The following CYB5A variants were observed in gnomAD, a reference collection of about 807,000 sequenced individuals.
CYB5A encodes the protein cytochrome b5 type A.
A neutral mutation model predicts 16.2 loss-of-function variants in CYB5A; 10 were observed. The ratio of observed to expected loss-of-function variants is 0.62; its 90% CI spans 0.38 to 1.04. The LOEUF (loss-of-function observed/expected upper bound fraction) is 1.04. Among genes scored for constraint, CYB5A ranks in the 50% least tolerant of loss-of-function variants. CYB5A has a pLI of 0.01. For synonymous variants in CYB5A, 62 were observed against 57.0 expected, an observed-to-expected ratio of 1.09 and a Z score of -0.40; for missense variants, 161 against 165.9, an observed-to-expected ratio of 0.97 and a Z score of 0.16.
In CYB5A at chr18:74,289,776, CAAA is replaced by C. The variant is rs531814328; in HGVS notation, c.129+1968_129+1970del. Among the ~76,000 whole-genome samples the C allele has an allele frequency of 9.1e-3, 831 of 91,194 alleles. 9 individuals are homozygous for C. Among genetic ancestry groups the C allele is most frequent in the African/African-American group, 0.029 (724 of 25,108 alleles). 59.8% of individuals were successfully genotyped at this position (91,194 alleles called of 152,430 possible). On this transcript the variant is annotated intron_variant, in intron 1 of 4. Transcript: ENST00000340533. Reference sequence around the variant, plus strand: ...GGGCCACAAGAGCAAAACTCTGTCTCAAAAAAAAAAAAAAAAAAAAATAGGGGA... The same window carrying C: ...GGGCCACAAGAGCAAAACTCTGTCTCAAAAAAAAAAAAAAAAAATAGGGGA...
chr18:74,291,777 C>T lies in CYB5A; in HGVS notation c.99G>A (p.Lys33=). ...SKSTWLILHH[K]VYDLTKFLEE... ...CCAGAAATTTGGTCAAATCGTACAC[C>T]TTGTGGTGCAGGATCAGCCAGGTGC... Residue 33 remains lysine, a synonymous_variant, in exon 1 of 5, where the codon AAG becomes AAA. Coordinates refer to ENST00000340533, the MANE Select transcript of CYB5A (RefSeq NM_148923.4). The T allele has an allele frequency of 6.2e-7, 1 of 1,613,938 alleles. No homozygotes were observed. Among genetic ancestry groups the T allele is most frequent in the Non-Finnish European group, 8.5e-7 (1 of 1,179,824 alleles).
intron 1 of CYB5A, among the ~76,000 whole-genome samples, chr18:74,270,821 A>T (rs1380404025): frequency 2.0e-5 from 3 of 151,690 alleles, no homozygotes; most frequent in African/African-American, 7.3e-5. Context: ...GTCCTAGAGG[A>T]CTCCCTGGAG....
intron 2 of CYB5A, 27 bp from the exon 3 acceptor site, chr18:74,260,971 T>G: frequency 6.2e-7 from 1 of 1,602,156 alleles, no homozygotes; most frequent in Non-Finnish European, 8.6e-7. Context: ...AGGCACATTA[T>G]GGAATTTAAA....
At chr18:74,281,211 G>A (rs72963813) in intron 1 of CYB5A, among the ~76,000 whole-genome samples, 17,936 of 152,166 alleles carry the variant, frequency 0.12, 1,370 homozygotes, top group Admixed American at 0.19. Context: ...TGCTGAGATG[G>A]GGACATGCAG....
intron 1 of CYB5A, among the ~76,000 whole-genome samples, chr18:74,273,097 G>A (rs1414968007): frequency 1.3e-5 from 2 of 152,118 alleles, no homozygotes; most frequent in Non-Finnish European, 1.5e-5. Flanking sequence ...CACCAAATAC[G>A]TACACACAAA....
At chr18:74,278,835 G>A (rs17089049) in intron 1 of CYB5A, among the ~76,000 whole-genome samples, 3,380 of 152,246 alleles carry the variant, frequency 0.022, 126 homozygotes, top group African/African-American at 0.076. Context: ...GGTCTAAAAC[G>A]TACTGGTAAC....
chr18:74,263,095 C>T (rs929654996), intron 2 of CYB5A, among the ~76,000 whole-genome samples: 2 of 150,288 alleles, frequency 1.3e-5, no homozygotes, highest in Non-Finnish European at 2.9e-5. Flanking sequence ...CTGCAGGGAG[C>T]CATGATCGTG....
chr18:74,291,391 G>A (rs1983531047), intron 1 of CYB5A, among the ~76,000 whole-genome samples: 1 of 116,200 alleles, frequency 8.6e-6, no homozygotes, highest in African/African-American at 2.6e-5. Context: ...AGCGCTCCCA[G>A]GTGTACACGC....
At chr18:74,259,780 C>T (rs1982126053) in intron 3 of CYB5A, 3 of 152,086 alleles carry the variant, frequency 2.0e-5, no homozygotes, top group Non-Finnish European at 2.9e-5. Context: ...TTTCAGCTGT[C>T]CAAAAAGTAG....
chr18:74,271,862 G>A (rs1028618171), intron 1 of CYB5A, among the ~76,000 whole-genome samples: 3 of 152,192 alleles, frequency 2.0e-5, no homozygotes, highest in Non-Finnish European at 4.4e-5. Context: ...CATAAAAGCT[G>A]AAGATGGCCA....
chr18:74,260,204 C>CT (rs1982145224), intron 3 of CYB5A: 1 of 152,288 alleles, frequency 6.6e-6, no homozygotes, highest in African/African-American at 2.4e-5. Context: ...ATTATACTTT[C>CT]TTTTTTGTCA....
intron 1 of CYB5A, among the ~76,000 whole-genome samples, chr18:74,288,588 C>T (rs1568226477): frequency 6.6e-6 from 1 of 152,202 alleles, no homozygotes; most frequent in Admixed American, 6.5e-5. Flanking sequence ...ACATTCTGCA[C>T]TCATTTCTGT....
intron 1 of CYB5A, among the ~76,000 whole-genome samples, chr18:74,280,928 G>A (rs1038309951): frequency 6.6e-6 from 1 of 152,190 alleles, no homozygotes; most frequent in Admixed American, 6.5e-5. Flanking sequence ...TTTAAACAGA[G>A]TATACGGACT....
At chr18:74,257,699 T>C (rs1162106175) in intron 3 of CYB5A, 1 of 152,410 alleles carries the variant, frequency 6.6e-6, no homozygotes, top group Non-Finnish European at 1.5e-5. Context: ...GGCGGGTTGC[T>C]TGAGTCCAGC....
rs1981852930 is a variant in CYB5A at position 74,253,649 on chromosome 18, C to T, written c.340G>A (p.Val114Met). Residue 114 changes from valine (V) to methionine (M), a missense_variant, in exon 5 of 5, where the codon GTG (valine) becomes ATG (methionine). Coordinates refer to ENST00000340533, the MANE Select transcript of CYB5A (RefSeq NM_148923.4). ...DSSSSWWTNW[V>M]IPAISAVAVA... is the part of the protein sequence containing the mutation. ...GCCACTGCAGAGATGGCAGGGATCA[C>T]CCAGTTGGTCCACCAACTAGAAAGA... is the stretch of plus-strand genomic sequence containing the variant. 6.2e-7 allele frequency: 1 copy of T among 1,612,794 alleles called. No homozygotes were observed.
chr18:74,281,763 G>GTGTGTGTGTT (rs960400983), intron 1 of CYB5A, among the ~76,000 whole-genome samples: 16 of 150,640 alleles, frequency 1.1e-4, no homozygotes, highest in African/African-American at 3.7e-4. Context: ...GTGTGTGTGT[G>GTGTGTGTGTT]TGTGTATGTG....
chr18:74,253,035 G>A lies in CYB5A; in HGVS notation c.*549C>T, dbSNP rs1788568. On this transcript the variant is annotated 3_prime_UTR_variant, in exon 5 of 5. Transcript: ENST00000340533. Reference sequence around the variant, plus strand: ...TCTTTTTAAGATCTATTTCAAGTAGGACAATTATTAGAAATCCTTAAACTA... The same window carrying A: ...TCTTTTTAAGATCTATTTCAAGTAGAACAATTATTAGAAATCCTTAAACTA... 150,658 of 157,606 alleles carry A rather than the reference G, an allele frequency of 0.96. 72,325 individuals are homozygous for A. Among genetic ancestry groups the A allele is most frequent in the East Asian group, 1 (5,264 of 5,264 alleles). 9.8% of individuals were successfully genotyped at this position (157,606 alleles called of 1,614,324 possible).
intron 1 of CYB5A, among the ~76,000 whole-genome samples, chr18:74,266,351 C>A (rs940425951): frequency 6.6e-6 from 1 of 152,152 alleles, no homozygotes; most frequent in East Asian, 1.9e-4. Context: ...GCGTAGGGAC[C>A]GCTGAACTCA....
In CYB5A at chr18:74,291,933, C is replaced by T. The variant is rs1379438506; in HGVS notation, c.-58G>A. The T allele has an allele frequency of 2.2e-5, 36 of 1,602,956 alleles. No homozygotes were observed. The highest frequency in any genetic ancestry group is 3.1e-5 in the Non-Finnish European group (36 of 1,179,490). ...CAGCCCCGTCGGGTGGAGCAGAGCGCGCGACTCAGCCAGCTCCACCCGGGA... is the reference window on the plus strand; with the variant it reads ...CAGCCCCGTCGGGTGGAGCAGAGCGTGCGACTCAGCCAGCTCCACCCGGGA... On this transcript the variant is annotated 5_prime_UTR_variant, in exon 1 of 5. Transcript: ENST00000340533.
Sources: allele counts gnomAD v4.1 joint callset (sites outside exome capture counted in the v4.1 genomes callset), GRCh38; gene constraint gnomAD v4.1.1; transcripts MANE v1.5; gene names NCBI Gene and HGNC (gene_info 2026-07-23, HGNC 2026-07-21).